The following AP2B1 variants were observed in gnomAD, a reference collection of about 807,000 sequenced individuals.
The protein encoded by AP2B1 is AP-2 complex subunit beta.
AP2B1 carries 23 observed loss-of-function variants against 102.0 expected under a neutral mutation model. The observed-to-expected ratio is 0.23, with a 90% CI of 0.16 to 0.32. The LOEUF is 0.32. Among genes scored for constraint, AP2B1 ranks in the 10% least tolerant of loss-of-function variants. AP2B1 has a pLI of 1.00. For missense variants in AP2B1, 541 were observed against 1,157.4 expected, an observed-to-expected ratio of 0.47 and a Z score of 7.73; for synonymous variants, 381 against 421.2, an observed-to-expected ratio of 0.90 and a Z score of 1.17.
chr17:35,604,759 A>C (rs2073610981), intron 3 of AP2B1, among the ~76,000 whole-genome samples: 1 of 152,210 alleles, frequency 6.6e-6, no homozygotes, highest in African/African-American at 2.4e-5. Context: ...CTCTGTCTCA[A>C]AAAGAAAAAA....
chr17:35,719,373 T>G (rs1240709991), intron 21 of AP2B1, among the ~76,000 whole-genome samples: 1 of 151,870 alleles, frequency 6.6e-6, no homozygotes, highest in African/African-American at 2.4e-5. Flanking sequence ...AAAAAAAAAC[T>G]TCCTCTTGCT....
chr17:35,705,496 A>T (rs1044306436), intron 18 of AP2B1, among the ~76,000 whole-genome samples: 2 of 152,084 alleles, frequency 1.3e-5, no homozygotes, highest in African/African-American at 4.8e-5. Context: ...AAAAAGGTAA[A>T]ACAGGAGATG....
intron 14 of AP2B1, among the ~76,000 whole-genome samples, chr17:35,660,504 G>T (rs1209557044): frequency 6.9e-6 from 1 of 144,552 alleles, no homozygotes; most frequent in Admixed American, 6.9e-5. Context: ...TTTTTTGGAG[G>T]TGGAGTTTCA....
At chr17:35,616,517 C>T (rs1238552401) in intron 5 of AP2B1, among the ~76,000 whole-genome samples, 1 of 152,102 alleles carries the variant, frequency 6.6e-6, no homozygotes, top group African/African-American at 2.4e-5. Flanking sequence ...AGAAAAGTTA[C>T]AAAGACAGTA....
chr17:35,608,063 T>A (rs1451690056), intron 4 of AP2B1, 79 bp from the exon 5 acceptor site: 1 of 1,538,104 alleles, frequency 6.5e-7, no homozygotes, highest in Non-Finnish European at 8.9e-7. Context: ...GAGGTAATTC[T>A]TTTGCAGCTT....
At chr17:35,651,967 G>C (rs1482580259) in intron 13 of AP2B1, among the ~76,000 whole-genome samples, 1 of 152,174 alleles carries the variant, frequency 6.6e-6, no homozygotes, top group African/African-American at 2.4e-5. Flanking sequence ...ATTTTCTGTT[G>C]TAACTTCCCT....
At chr17:35,670,244 C>T (rs145431739) in intron 14 of AP2B1, among the ~76,000 whole-genome samples, 1 of 152,318 alleles carries the variant, frequency 6.6e-6, no homozygotes, top group Non-Finnish European at 1.5e-5. Flanking sequence ...CCACTTCCTC[C>T]TTAGATAGTT....
At chr17:35,695,232 G>C (rs2076118781) in intron 18 of AP2B1, among the ~76,000 whole-genome samples, 1 of 152,046 alleles carries the variant, frequency 6.6e-6, no homozygotes, top group African/African-American at 2.4e-5. Flanking sequence ...AGAGTAACTG[G>C]GTTGATCAAT....
At chr17:35,704,002 A>G (rs1293755048) in intron 18 of AP2B1, among the ~76,000 whole-genome samples, 1 of 152,162 alleles carries the variant, frequency 6.6e-6, no homozygotes, top group Non-Finnish European at 1.5e-5. Flanking sequence ...TCTTCCTACT[A>G]TCTCTACCTG....
Position 35,674,266 on chromosome 17 carries a change from A to G in AP2B1, c.2269A>G (p.Thr757Ala). 6.2e-7 allele frequency: 1 copy of G among 1,614,204 alleles called. No homozygotes were observed. The highest frequency in any genetic ancestry group is 2.2e-5 in the East Asian group (1 of 44,884). The part of the protein sequence containing the change: ...QGHIYMEMNF[T>A]NKALQHMTDF... ...GCACATCTATATGGAAATGAACTTC[A>G]CCAATAAAGCTCTGCAGCACATGAC... Residue 757 changes from threonine (T) to alanine (A), a missense_variant, in exon 17 of 22, where the codon ACC becomes GCC. Around this residue, in one of 10 missense-constraint regions of AP2B1, gnomAD observed 62 missense variants for 87.6 expected, o/e 0.71. Coordinates refer to ENST00000610402, the MANE Select transcript of AP2B1 (RefSeq NM_001030006.2).
At chr17:35,696,103 C>T (rs2076136661) in intron 18 of AP2B1, among the ~76,000 whole-genome samples, 1 of 152,038 alleles carries the variant, frequency 6.6e-6, no homozygotes, top group Admixed American at 6.6e-5. Context: ...TATGCCTTTC[C>T]CTCCCTCCTT....
intron 12 of AP2B1, among the ~76,000 whole-genome samples, chr17:35,646,607 A>G (rs967175269): frequency 7.3e-5 from 10 of 137,898 alleles, no homozygotes; most frequent in Admixed American, 6.2e-4. Flanking sequence ...TTTTTTTGAG[A>G]TGGAGTCTCA....
At chr17:35,634,702 A>G (rs991152033) in intron 9 of AP2B1, among the ~76,000 whole-genome samples, 8 of 152,202 alleles carry the variant, frequency 5.3e-5, no homozygotes, top group Non-Finnish European at 7.3e-5. Context: ...GTCGAGTACT[A>G]CAGTTCTTTG....
intron 21 of AP2B1, among the ~76,000 whole-genome samples, chr17:35,719,608 CCA>C (rs2085296071): frequency 6.6e-6 from 1 of 152,074 alleles, no homozygotes; most frequent in African/African-American, 2.4e-5. Context: ...TGTCCATGTA[CCA>C]CAGTTTCTCC....
chr17:35,645,045 G>A (rs1028357100), intron 12 of AP2B1, among the ~76,000 whole-genome samples: 2 of 148,176 alleles, frequency 1.3e-5, no homozygotes, highest in African/African-American at 5.2e-5. Context: ...AAAAAAAAAA[G>A]AAAGAAAAAA....
intron 3 of AP2B1, among the ~76,000 whole-genome samples, chr17:35,600,423 A>G (rs71381462): frequency 6.6e-6 from 1 of 151,994 alleles, no homozygotes; most frequent in East Asian, 1.9e-4. Context: ...TCTAGTTATA[A>G]CAAAAAAAAA....
chr17:35,673,724 G>GA lies in AP2B1; in HGVS notation c.2179-444dup, dbSNP rs879770996. ...AATAATGGCTTTGGTTGGAAATGAT[G>GA]AAAAAAAATCTTCAAAGATTACAGC... On this transcript the variant is annotated intron_variant, in intron 16 of 21. Transcript: ENST00000610402. Among the ~76,000 whole-genome samples, 4 of 151,842 alleles carry GA rather than the reference G, an allele frequency of 2.6e-5. No individual in the cohort carries two copies. In the East Asian group the frequency reaches 5.8e-4, roughly 22 times the overall value.
intron 5 of AP2B1, among the ~76,000 whole-genome samples, chr17:35,613,870 G>A (rs1013355876): frequency 1.3e-5 from 2 of 152,136 alleles, no homozygotes; most frequent in African/African-American, 2.4e-5. Context: ...TCATTATTTT[G>A]AAGGTAAACC....
intron 5 of AP2B1, among the ~76,000 whole-genome samples, chr17:35,619,875 C>T (rs1032282868): frequency 2.6e-5 from 4 of 152,058 alleles, no homozygotes; most frequent in African/African-American, 4.8e-5. Context: ...ACCTCTGCCT[C>T]GCATGTTCAA....
Sources: gnomAD v4.1 joint callset for allele counts (sites outside exome capture counted in the v4.1 genomes callset) on GRCh38, gnomAD v4.1.1 for gene constraint, gnomAD v4.1.1 regional missense constraint, MANE v1.5 for transcripts, NCBI Gene and HGNC (gene_info 2026-07-23, HGNC 2026-07-21) for gene names.